The following CELF2 variants were observed in gnomAD, a reference collection of about 807,000 sequenced individuals.
CELF2 encodes CUGBP Elav-like family member 2.
In CELF2, 8 loss-of-function variants were observed where a neutral mutation model predicts 62.6. That is an observed-to-expected ratio of 0.13 (90% CI 0.07 to 0.23). The LOEUF (loss-of-function observed/expected upper bound fraction) is 0.23. Ranked by LOEUF, CELF2 falls within the 10% of genes least tolerant of loss-of-function variation. CELF2 has a pLI of 1.00. For missense variants in CELF2, 333 were observed against 671.0 expected (o/e 0.50, Z 5.56); for synonymous variants, 258 against 250.0 (o/e 1.03, Z -0.30).
chr10:10,924,281 C>CAAAAAAAA lies in CELF2; in HGVS notation c.89+4304_89+4311dup, dbSNP rs11415164. ...TGGGCAACACAGCGAGACTCCGTCCCAAAAAAAAAAAAAAAAAAAAAAAAA... is the reference window on the plus strand; with the variant it reads ...TGGGCAACACAGCGAGACTCCGTCCCAAAAAAAAAAAAAAAAAAAAAAAAAAAAAAAAA... On this transcript the variant is annotated intron_variant, in intron 2 of 13. Coordinates refer to the CELF2 transcript ENST00000636488. Among the ~76,000 whole-genome samples, 31 of 45,102 alleles carry CAAAAAAAA rather than the reference C, an allele frequency of 6.9e-4. 3 individuals carry two copies. Among genetic ancestry groups the CAAAAAAAA allele is most frequent in the African/African-American group, 1.3e-3 (15 of 11,638 alleles). The allele number at this position is 45,102 out of a possible 152,430, so 29.6% of individuals were successfully genotyped here.
At position 11,008,424 on chromosome 10, in the gene CELF2, T is replaced by C. The variant is rs567005421; in HGVS notation, c.53+2984T>C. 1.4e-4 allele frequency among the ~76,000 whole-genome samples: 22 copies of C among 152,328 alleles called. No homozygotes were observed. Among genetic ancestry groups the C allele is most frequent in the Admixed American group, 1.2e-3 (19 of 15,298 alleles). On this transcript the variant is annotated intron_variant, in intron 1 of 12. Coordinates refer to the CELF2 transcript ENST00000416382. The surrounding 1 kb of genome is among the most constrained non-coding windows in gnomAD (Gnocchi z 4.5). ...AATGAAACCAGACAGTTTTGCTTTT[T>C]TTAAAATAGGAGGGTATACATTTGC... is the stretch of plus-strand genomic sequence containing the variant.
chr10:10,833,176 C>T (rs188236865), intron 1 of CELF2, among the ~76,000 whole-genome samples: 9 of 152,274 alleles, frequency 5.9e-5, no homozygotes, highest in East Asian at 1.9e-4. Context: ...CTTGTGTTTA[C>T]GGCTTATCTT....
the CELF2 span, among the ~76,000 whole-genome samples, chr10:10,615,611 C>G: frequency 2.0e-5 from 3 of 152,020 alleles, no homozygotes; most frequent in African/African-American, 7.3e-5. Flanking sequence ...GGTGATTGGA[C>G]CACGGGGGCA....
At chr10:10,712,933 C>T in the CELF2 span, among the ~76,000 whole-genome samples, 1 of 152,188 alleles carries the variant, frequency 6.6e-6, no homozygotes, top group Non-Finnish European at 1.5e-5. Flanking sequence ...GCTTGAAATC[C>T]TCTGCTCCCA....
At chr10:10,800,421 T>C (rs1442338673) in intron 1 of CELF2, among the ~76,000 whole-genome samples, 3 of 152,120 alleles carry the variant, frequency 2.0e-5, no homozygotes, top group Non-Finnish European at 4.4e-5. Flanking sequence ...GCATGATCTC[T>C]GCTCACTGCA....
chr10:10,828,315 G>A (rs2057575929), intron 1 of CELF2, among the ~76,000 whole-genome samples: 1 of 152,162 alleles, frequency 6.6e-6, no homozygotes. Flanking sequence ...GCATATAATG[G>A]AATATTATTC....
rs558741112 is a variant in CELF2 at position 11,302,267 on chromosome 10, G to A, written c.977-11872G>A. On this transcript the variant is annotated intron_variant, in intron 9 of 12. Coordinates refer to ENST00000633077, the MANE Select transcript of CELF2 (RefSeq NM_001326342.2). The surrounding 1 kb of genome is among the most constrained non-coding windows in gnomAD (Gnocchi z 5.0). ...CTCAGAATCAAGTTTTCACCCAGTC[G>A]TGATGGAATTTGACAGCACCGCATC... is the stretch of plus-strand genomic sequence containing the variant. Among the ~76,000 whole-genome samples, 6 of 152,274 alleles carry A rather than the reference G, an allele frequency of 3.9e-5. No individual in the cohort carries two copies. The highest frequency in any genetic ancestry group is 2.1e-4 in the South Asian group (1 of 4,830).
chr10:11,150,711 T>C (rs1488614267), intron 1 of CELF2, among the ~76,000 whole-genome samples: 2 of 152,246 alleles, frequency 1.3e-5, no homozygotes, highest in East Asian at 3.8e-4. Flanking sequence ...CATTTGCTTT[T>C]GAAGCTGTGC....
chr10:10,561,047 G>C, the CELF2 span, among the ~76,000 whole-genome samples: 1 of 152,088 alleles, frequency 6.6e-6, no homozygotes, highest in African/African-American at 2.4e-5. Flanking sequence ...ACAGATAAAA[G>C]ATATTAAATA....
rs556014371 is a variant in CELF2 at position 11,191,015 on chromosome 10, A to G, written c.271+25333A>G. On this transcript the variant is annotated intron_variant, in intron 2 of 12. Coordinates refer to ENST00000633077, the MANE Select transcript of CELF2 (RefSeq NM_001326342.2). This position sits in a 1 kb window ranked among gnomAD's most constrained non-coding sequence, Gnocchi z 4.1. ...AGCATCAATGTATTTAATGCTGCTG[A>G]CCTTCATGGACATCCTGGTCATGTG... 1.3e-5 allele frequency among the ~76,000 whole-genome samples: 2 copies of G among 152,240 alleles called. No homozygotes were observed. Among genetic ancestry groups the G allele is most frequent in the South Asian group, 4.1e-4 (2 of 4,822 alleles).
chr10:10,567,900 A>G, the CELF2 span, among the ~76,000 whole-genome samples: 2 of 152,142 alleles, frequency 1.3e-5, no homozygotes, highest in Admixed American at 6.5e-5. Context: ...TCATTCATTC[A>G]TTCAACAGAT....
chr10:10,682,968 G>A, the CELF2 span, among the ~76,000 whole-genome samples: 1 of 152,164 alleles, frequency 6.6e-6, no homozygotes, highest in Non-Finnish European at 1.5e-5. Context: ...ACATGGACCA[G>A]CAAGCCCCCA....
Position 11,065,505 on chromosome 10 carries a change from T to G in CELF2, c.74+47342T>G, listed in dbSNP as rs2067863817. On this transcript the variant is annotated intron_variant, in intron 1 of 12. Transcript: ENST00000633077. ...TCTAGTGTGATGGTTAGAGGTTTCT[T>G]GGATCATTGGAATCATAAGGAGCTC... Among the ~76,000 whole-genome samples the G allele has an allele frequency of 3.3e-5, 5 of 152,330 alleles. No individual in the cohort carries two copies. In the South Asian group the frequency reaches 1.0e-3, roughly 32 times the overall value.
At chr10:10,514,634 C>T in the CELF2 span, among the ~76,000 whole-genome samples, 1 of 152,124 alleles carries the variant, frequency 6.6e-6, no homozygotes, top group Non-Finnish European at 1.5e-5. Flanking sequence ...TGGATTCAGA[C>T]GTGGCAAGAA....
intron 1 of CELF2, among the ~76,000 whole-genome samples, chr10:10,827,726 A>G (rs1193599264): frequency 6.6e-6 from 1 of 152,168 alleles, no homozygotes; most frequent in East Asian, 1.9e-4. Context: ...TCTGTCATTG[A>G]CTTGATTTTT....
chr10:10,482,369 A>G, the CELF2 span, among the ~76,000 whole-genome samples: 4 of 152,218 alleles, frequency 2.6e-5, no homozygotes, highest in Non-Finnish European at 5.9e-5. Context: ...TAAGGAAGGT[A>G]TTTACCAAAC....
chr10:10,485,005 C>T, the CELF2 span, among the ~76,000 whole-genome samples: 16 of 152,214 alleles, frequency 1.1e-4, no homozygotes, highest in African/African-American at 3.9e-4. Context: ...TCTTTATGTA[C>T]TCTTTCTGAT....
intron 2 of CELF2, among the ~76,000 whole-genome samples, chr10:10,970,120 G>A (rs2050606192): frequency 6.6e-6 from 1 of 152,116 alleles, no homozygotes; most frequent in Non-Finnish European, 1.5e-5. Flanking sequence ...CCAGGCTGGA[G>A]TGCAGTGGCG....
chr10:11,107,277 TA>T (rs2053767576), intron 1 of CELF2, among the ~76,000 whole-genome samples: 2 of 152,150 alleles, frequency 1.3e-5, no homozygotes, highest in South Asian at 4.1e-4. Context: ...CTGCCTCTCC[TA>T]GGGGGGCAGC....
Sources: allele counts gnomAD v4.1 joint callset (sites outside exome capture counted in the v4.1 genomes callset), GRCh38; gene constraint gnomAD v4.1.1; non-coding constraint Gnocchi (gnomAD v3.1); transcripts MANE v1.5; gene names NCBI Gene and HGNC (gene_info 2026-07-23, HGNC 2026-07-21).